Variants in ACOXL observed in about 807,000 individuals in gnomAD.
ACOXL encodes the protein acyl-CoA oxidase like.
In ACOXL, 70 loss-of-function variants were observed where a neutral mutation model predicts 71.9. The ratio of observed to expected loss-of-function variants is 0.97; its 90% CI spans 0.80 to 1.19. The LOEUF is 1.19. ACOXL is among the 50% of genes most tolerant of loss of function. The pLI, the probability that ACOXL is intolerant of heterozygous loss-of-function variation, is 0.00. For missense variants in ACOXL, 703 were observed against 736.3 expected (o/e 0.95, Z 0.52); for synonymous variants, 253 against 281.6 (o/e 0.90, Z 1.02).
chr2:110,793,141 CG>C (rs1054955530), intron 3 of ACOXL, among the ~76,000 whole-genome samples: 1 of 152,156 alleles, frequency 6.6e-6, no homozygotes, highest in African/African-American at 2.4e-5. Context: ...ATCCTGCAGC[CG>C]GTGGGTAGCT....
At chr2:110,943,357 G>A (rs1438089194) in intron 12 of ACOXL, among the ~76,000 whole-genome samples, 2 of 151,658 alleles carry the variant, frequency 1.3e-5, no homozygotes, top group Admixed American at 6.6e-5. Flanking sequence ...GGAAGGAAGA[G>A]AAAGAAAGAA....
intron 17 of ACOXL, chr2:111,093,536 G>A: frequency 1.2e-6 from 2 of 1,613,712 alleles, no homozygotes; most frequent in South Asian, 1.1e-5. Context: ...CCACATGAAG[G>A]GAGCTCATAT....
intron 12 of ACOXL, among the ~76,000 whole-genome samples, chr2:110,966,581 A>C (rs370484921): frequency 6.6e-6 from 1 of 152,320 alleles, no homozygotes; most frequent in East Asian, 1.9e-4. Flanking sequence ...AAACCCCTAA[A>C]GGGGATTTAG....
At chr2:111,037,443 A>T (rs2065570416) in intron 15 of ACOXL, among the ~76,000 whole-genome samples, 1 of 152,084 alleles carries the variant, frequency 6.6e-6, no homozygotes, top group African/African-American at 2.4e-5. Flanking sequence ...CACCCGAATG[A>T]TGTGTGTTTT....
At chr2:110,811,991 C>T (rs74968667) in intron 9 of ACOXL, among the ~76,000 whole-genome samples, 2,258 of 152,182 alleles carry the variant, frequency 0.015, 50 homozygotes, top group African/African-American at 0.049. Flanking sequence ...TATTTACTTT[C>T]GTATGTAAGA....
chr2:111,078,971 TG>T (rs1234380297), intron 16 of ACOXL, among the ~76,000 whole-genome samples: 3 of 152,220 alleles, frequency 2.0e-5, no homozygotes, highest in African/African-American at 7.2e-5. Flanking sequence ...TATTTAGCTA[TG>T]TTCCGTGTAT....
intron 14 of ACOXL, among the ~76,000 whole-genome samples, chr2:111,021,654 C>T (rs980769731): frequency 6.6e-6 from 1 of 152,102 alleles, no homozygotes; most frequent in East Asian, 1.9e-4. Context: ...GGAGGACCCT[C>T]TTCCCAAAGC....
chr2:110,850,471 C>A (rs762209985), intron 10 of ACOXL, among the ~76,000 whole-genome samples: 2 of 152,110 alleles, frequency 1.3e-5, no homozygotes, highest in African/African-American at 2.4e-5. Flanking sequence ...GATTATTCAC[C>A]AAACAAGATG....
chr2:111,046,344 A>G (rs565815673), intron 15 of ACOXL, among the ~76,000 whole-genome samples: 2 of 152,320 alleles, frequency 1.3e-5, no homozygotes, highest in Non-Finnish European at 2.9e-5. Flanking sequence ...GTCTGATGCC[A>G]AACCTGTGTT....
At chr2:110,798,066 A>C (rs1427293696) in intron 5 of ACOXL, among the ~76,000 whole-genome samples, 1 of 152,130 alleles carries the variant, frequency 6.6e-6, no homozygotes. Context: ...TTATTCCTTG[A>C]AAAATCACTT....
chr2:110,947,601 T>C (rs2061156513), intron 12 of ACOXL, among the ~76,000 whole-genome samples: 1 of 152,250 alleles, frequency 6.6e-6, no homozygotes, highest in Non-Finnish European at 1.5e-5. Context: ...AGATCCGAAC[T>C]CTTTCCCCTT....
At chr2:110,876,674 A>G (rs1695946687) in intron 10 of ACOXL, among the ~76,000 whole-genome samples, 1 of 152,130 alleles carries the variant, frequency 6.6e-6, no homozygotes, top group Non-Finnish European at 1.5e-5. Flanking sequence ...AGGTCTCACT[A>G]TGTGATGGCA....
chr2:110,844,859 C>T (rs948490479), intron 10 of ACOXL, among the ~76,000 whole-genome samples: 7 of 152,060 alleles, frequency 4.6e-5, no homozygotes, highest in Admixed American at 1.3e-4. Context: ...CGTGACTCTT[C>T]TGCTCCCTCT....
intron 16 of ACOXL, among the ~76,000 whole-genome samples, chr2:111,088,857 C>A (rs1201156501): frequency 6.6e-6 from 1 of 152,114 alleles, no homozygotes; most frequent in Non-Finnish European, 1.5e-5. Context: ...AGTTAAAATT[C>A]TACGAAAGAC....
intron 9 of ACOXL, among the ~76,000 whole-genome samples, chr2:110,821,506 G>A (rs775052812): frequency 6.6e-6 from 1 of 152,142 alleles, no homozygotes; most frequent in African/African-American, 2.4e-5. Flanking sequence ...GAAGCTAAGA[G>A]GGACCATCAC....
chr2:111,056,200 T>A (rs372632393), intron 16 of ACOXL, among the ~76,000 whole-genome samples: 4 of 145,744 alleles, frequency 2.7e-5, no homozygotes, highest in African/African-American at 5.1e-5. Flanking sequence ...ACCCCAACTT[T>A]AAAAAAAAAA....
At chr2:111,062,510 G>A (rs868152400) in intron 16 of ACOXL, among the ~76,000 whole-genome samples, 9 of 152,190 alleles carry the variant, frequency 5.9e-5, no homozygotes, top group South Asian at 4.1e-4. Flanking sequence ...ACAGCAGAAT[G>A]CATTATTTTC....
At position 110,841,388 on chromosome 2, in the gene ACOXL, C is replaced by G; in HGVS notation, c.771C>G (p.Ala257=). Residue 257 remains alanine (A), a synonymous_variant, in exon 10 of 18, where the codon GCC becomes GCG. Transcript: ENST00000439055. ...AATTACAGCTTGGGTTGACGATAGCCATTCGCTATAGCCACAGGTAAATGT... is the reference window on the plus strand; with the variant it reads ...AATTACAGCTTGGGTTGACGATAGCGATTCGCTATAGCCACAGGTAAATGT... ...MGAMKLGLTI[A]IRYSHSRRQF... 6.2e-7 allele frequency: 1 copy of G among 1,609,730 alleles called. No individual in the cohort carries two copies. Among genetic ancestry groups the G allele is most frequent in the Non-Finnish European group, 8.5e-7 (1 of 1,177,124 alleles).
At chr2:110,904,003 T>A (rs1332069272) in intron 10 of ACOXL, among the ~76,000 whole-genome samples, 2 of 152,222 alleles carry the variant, frequency 1.3e-5, no homozygotes, top group Non-Finnish European at 2.9e-5. Flanking sequence ...TCTTGCTGCA[T>A]CTTTGGGTGG....
Sources: gnomAD v4.1 joint callset for allele counts (sites outside exome capture counted in the v4.1 genomes callset) on GRCh38, gnomAD v4.1.1 for gene constraint, MANE v1.5 for transcripts, NCBI Gene and HGNC (gene_info 2026-07-23, HGNC 2026-07-21) for gene names.